The following RHOBTB1 variants were observed in gnomAD, a reference collection of about 807,000 sequenced individuals.
The protein encoded by RHOBTB1 is Rho related BTB domain containing 1, also known as rho-related BTB domain-containing protein 1.
In RHOBTB1, 40 loss-of-function variants were observed where a neutral mutation model predicts 71.6. That is an observed-to-expected ratio of 0.56 (90% confidence interval 0.43 to 0.73). RHOBTB1 has a LOEUF of 0.73. Ranked by LOEUF, RHOBTB1 falls within the 30% of genes least tolerant of loss-of-function variation. The pLI is 0.00. For synonymous variants in RHOBTB1, 319 were observed against 334.9 expected (o/e 0.95, Z 0.52); for missense variants, 797 against 894.0 (o/e 0.89, Z 1.38).
rs112550453 is a variant in RHOBTB1 at position 60,893,897 on chromosome 10, G to A, written c.297-902C>T. On this transcript the variant is annotated intron_variant, in intron 4 of 10. Coordinates refer to ENST00000337910, the MANE Select transcript of RHOBTB1 (RefSeq NM_014836.5). ...TAGGAATTATAAACCATCATTCTAG[G>A]TTAAAATGTGCTGAATGATGACTTT... is the stretch of plus-strand genomic sequence containing the variant. 1.0e-2 allele frequency among the ~76,000 whole-genome samples: 1,519 copies of A among 152,268 alleles called. 13 individuals are homozygous for A. Among genetic ancestry groups the A allele is most frequent in the Non-Finnish European group, 0.015 (1,017 of 68,016 alleles).
intron 2 of RHOBTB1, among the ~76,000 whole-genome samples, chr10:60,930,177 A>G (rs1425999289): frequency 6.6e-6 from 1 of 152,028 alleles, no homozygotes; most frequent in Non-Finnish European, 1.5e-5. Context: ...CATCTTTAAG[A>G]AAAAAAATGA....
At chr10:60,955,759 G>A (rs534253031) in intron 2 of RHOBTB1, among the ~76,000 whole-genome samples, 49 of 152,186 alleles carry the variant, frequency 3.2e-4, no homozygotes, top group African/African-American at 1.2e-3. Flanking sequence ...GAATGCAAGG[G>A]AAACAGGAAC....
chr10:60,969,481 T>C (rs1320415390), intron 2 of RHOBTB1, among the ~76,000 whole-genome samples: 1 of 151,864 alleles, frequency 6.6e-6, no homozygotes, highest in African/African-American at 2.4e-5. Context: ...ACAGAAGAAA[T>C]AGTGAAGTGT....
At chr10:60,884,942 AG>A (rs2081498802) in intron 7 of RHOBTB1, among the ~76,000 whole-genome samples, 1 of 151,948 alleles carries the variant, frequency 6.6e-6, no homozygotes. Flanking sequence ...TTTTAGAGAC[AG>A]GTTCTCACTC....
chr10:60,916,037 G>A (rs1390244431), intron 2 of RHOBTB1, among the ~76,000 whole-genome samples: 2 of 152,138 alleles, frequency 1.3e-5, no homozygotes, highest in African/African-American at 4.8e-5. Context: ...TACCTTTACA[G>A]CCTGTGCTGG....
intron 7 of RHOBTB1, among the ~76,000 whole-genome samples, chr10:60,881,738 T>C (rs1196814954): frequency 1.3e-5 from 2 of 152,214 alleles, no homozygotes; most frequent in Admixed American, 1.3e-4. Flanking sequence ...GTGTTCTAAG[T>C]CATTGCTTAA....
At chr10:60,932,513 T>TAAAAAAAAAAAAAAAA (rs3049595) in intron 2 of RHOBTB1, among the ~76,000 whole-genome samples, 1 of 107,966 alleles carries the variant, frequency 9.3e-6, no homozygotes, top group Admixed American at 1.0e-4. Context: ...TTTCTTAAAG[T>TAAAAAAAAAAAAAAAA]AAAAAAAAAA....
At chr10:60,921,464 C>T (rs2083558980) in intron 2 of RHOBTB1, among the ~76,000 whole-genome samples, 1 of 152,154 alleles carries the variant, frequency 6.6e-6, no homozygotes, top group Non-Finnish European at 1.5e-5. Context: ...TGCAAACATC[C>T]TTCCTTTACA....
chr10:60,942,353 C>T (rs1267521548), intron 1 of RHOBTB1, among the ~76,000 whole-genome samples: 1 of 152,178 alleles, frequency 6.6e-6, no homozygotes, highest in African/African-American at 2.4e-5. Flanking sequence ...CTATTTCCAC[C>T]TGTGTGATCA....
At chr10:60,910,560 C>A (rs2082913132) in intron 4 of RHOBTB1, among the ~76,000 whole-genome samples, 1 of 152,182 alleles carries the variant, frequency 6.6e-6, no homozygotes, top group African/African-American at 2.4e-5. Context: ...AACATTCTAA[C>A]AGAAGGCAAG....
At chr10:60,913,608 G>A (rs1403816542) in intron 2 of RHOBTB1, among the ~76,000 whole-genome samples, 4 of 152,174 alleles carry the variant, frequency 2.6e-5, no homozygotes, top group South Asian at 2.1e-4. Flanking sequence ...GTCTGGAAAC[G>A]TGTCTGGTTG....
chr10:60,902,117 G>A (rs2082441834), intron 4 of RHOBTB1, among the ~76,000 whole-genome samples: 1 of 152,184 alleles, frequency 6.6e-6, no homozygotes, highest in African/African-American at 2.4e-5. Context: ...TTCCCTTCTG[G>A]GTAGAATACA....
At chr10:60,915,736 A>G (rs917629500) in intron 2 of RHOBTB1, among the ~76,000 whole-genome samples, 1 of 152,072 alleles carries the variant, frequency 6.6e-6, no homozygotes, top group African/African-American at 2.4e-5. Flanking sequence ...CTACAGAATC[A>G]CCCCATCTGG....
chr10:60,907,210 C>T (rs955175887), intron 4 of RHOBTB1, among the ~76,000 whole-genome samples: 15 of 152,138 alleles, frequency 9.9e-5, no homozygotes, highest in Non-Finnish European at 1.9e-4. Context: ...GTCTTTATTA[C>T]CAGTGTAAGA....
chr10:60,959,297 T>G (rs2085702451), intron 2 of RHOBTB1, among the ~76,000 whole-genome samples: 1 of 152,132 alleles, frequency 6.6e-6, no homozygotes, highest in South Asian at 2.1e-4. Flanking sequence ...AAAACGGACC[T>G]ACAGTATGGC....
At position 60,869,557 on chromosome 10, in the gene RHOBTB1, G is replaced by A. The variant is rs1456313118; in HGVS notation, c.*1925C>T. 2.6e-5 allele frequency: 4 copies of A among 152,610 alleles called. No homozygotes were observed. The highest frequency in any genetic ancestry group is 5.9e-5 in the Non-Finnish European group (4 of 68,046). 9.5% of individuals were successfully genotyped at this position (152,610 alleles called of 1,614,324 possible). A position where few individuals can be genotyped will look rare whatever the true frequency, so the allele number is the denominator to read the frequency against. On this transcript the variant is annotated 3_prime_UTR_variant, in exon 11 of 11. Coordinates refer to ENST00000337910, the MANE Select transcript of RHOBTB1 (RefSeq NM_014836.5). ...AACCAGCCACTTGGTTACAGTAGCT[G>A]ATAACAACACTAGTGGATATTATTG...
At chr10:60,877,627 G>A (rs2081107648) in intron 8 of RHOBTB1, among the ~76,000 whole-genome samples, 1 of 152,164 alleles carries the variant, frequency 6.6e-6, no homozygotes, top group African/African-American at 2.4e-5. Flanking sequence ...AAATGATTCA[G>A]CATGCATACA....
chr10:60,950,589 C>G (rs1040726644), intron 2 of RHOBTB1, among the ~76,000 whole-genome samples: 4 of 152,186 alleles, frequency 2.6e-5, no homozygotes, highest in Non-Finnish European at 4.4e-5. Flanking sequence ...ACTTCCTTAA[C>G]CCACTACACC....
At chr10:60,875,455 A>G (rs2081008262) in intron 8 of RHOBTB1, among the ~76,000 whole-genome samples, 1 of 152,200 alleles carries the variant, frequency 6.6e-6, no homozygotes, top group Admixed American at 6.5e-5. Context: ...CCATCCAGAT[A>G]TGAAATGTTT....
Sources: gnomAD v4.1 joint callset for allele counts (sites outside exome capture counted in the v4.1 genomes callset) on GRCh38, gnomAD v4.1.1 for gene constraint, MANE v1.5 for transcripts, NCBI Gene and HGNC (gene_info 2026-07-23, HGNC 2026-07-21) for gene names.